The following UTS2 variants were observed in gnomAD, a reference collection of about 807,000 sequenced individuals.
UTS2 encodes urotensin 2.
Under a neutral mutation model 12.6 loss-of-function variants are expected in UTS2, and 10 were observed. The observed-to-expected ratio is 0.80, with a 90% CI of 0.49 to 1.35. The LOEUF is 1.35. Among genes scored for constraint, UTS2 ranks in the 40% most tolerant of loss-of-function variants. UTS2 has a pLI of 0.00. For synonymous variants in UTS2, 52 were observed against 50.0 expected, an observed-to-expected ratio of 1.04 and a Z score of -0.17; for missense variants, 142 against 143.2, an observed-to-expected ratio of 0.99 and a Z score of 0.04.
chr1:7,888,793 T>C, the UTS2 span, among the ~76,000 whole-genome samples: 1 of 152,002 alleles, frequency 6.6e-6, no homozygotes, highest in South Asian at 2.1e-4. Context: ...TGTGGGATGG[T>C]TGGAGGAACA....
At chr1:7,864,694 TCTC>T in the UTS2 span, among the ~76,000 whole-genome samples, 1 of 152,162 alleles carries the variant, frequency 6.6e-6, no homozygotes, top group Non-Finnish European at 1.5e-5. Context: ...CACCTTCCCG[TCTC>T]CTTTCCCCTA....
chr1:7,876,249 G>A, the UTS2 span, among the ~76,000 whole-genome samples: 1 of 152,130 alleles, frequency 6.6e-6, no homozygotes, highest in East Asian at 1.9e-4. Flanking sequence ...ACCAGCATGT[G>A]CTTACACCAC....
chr1:7,883,980 A>C, the UTS2 span, among the ~76,000 whole-genome samples: 1 of 151,956 alleles, frequency 6.6e-6, no homozygotes, highest in African/African-American at 2.4e-5. Flanking sequence ...ACGCCCAGCA[A>C]ATTTTGTATT....
the UTS2 span, among the ~76,000 whole-genome samples, chr1:7,876,758 G>GA: frequency 2.0e-5 from 3 of 151,838 alleles, no homozygotes; most frequent in Non-Finnish European, 4.4e-5. Flanking sequence ...CACATATACA[G>GA]AAAAAAAGTC....
chr1:7,901,320 A>G, the UTS2 span, among the ~76,000 whole-genome samples: 3 of 152,298 alleles, frequency 2.0e-5, no homozygotes, highest in East Asian at 3.9e-4. Context: ...GGATTCTAGA[A>G]ATACACACTG....
chr1:7,860,948 A>G, the UTS2 span, among the ~76,000 whole-genome samples: 8 of 150,012 alleles, frequency 5.3e-5, no homozygotes, highest in Non-Finnish European at 5.9e-5. Context: ...AGGCTGAGGT[A>G]TGAGAATTGC....
the UTS2 span, among the ~76,000 whole-genome samples, chr1:7,879,525 G>A: frequency 6.6e-6 from 1 of 152,174 alleles, no homozygotes; most frequent in African/African-American, 2.4e-5. Flanking sequence ...TGGATCACTT[G>A]AGGCCAGGAG....
chr1:7,848,240 G>T (rs909604833), intron 3 of UTS2, among the ~76,000 whole-genome samples: 2 of 152,090 alleles, frequency 1.3e-5, no homozygotes, highest in African/African-American at 4.8e-5. Context: ...TTGAGCCTAA[G>T]AGTTTGAGAC....
chr1:7,879,107 A>G, the UTS2 span, among the ~76,000 whole-genome samples: 1 of 152,234 alleles, frequency 6.6e-6, no homozygotes, highest in Non-Finnish European at 1.5e-5. Flanking sequence ...GATCATCTAG[A>G]CAGAAAATCA....
the UTS2 span, among the ~76,000 whole-genome samples, chr1:7,867,946 T>C: frequency 6.6e-6 from 1 of 152,192 alleles, no homozygotes; most frequent in South Asian, 2.1e-4. Flanking sequence ...CAGTCTGTGG[T>C]ATTTTGTTAC....
At chr1:7,872,299 C>CAAAAAAAAAAAAAAAAAAAA in the UTS2 span, among the ~76,000 whole-genome samples, 2 of 65,884 alleles carry the variant, frequency 3.0e-5, no homozygotes, top group African/African-American at 1.1e-4. Context: ...GACTCTGTCT[C>CAAAAAAAAAAAAAAAAAAAA]AAAAAAAAAA....
At chr1:7,854,934 G>T (rs1185036125), upstream of UTS2, among the ~76,000 whole-genome samples, 1 of 152,166 alleles carries the variant, frequency 6.6e-6, no homozygotes, top group Non-Finnish European at 1.5e-5. Context: ...GCCGAGGCAG[G>T]TGGATCACCT....
intron 1 of UTS2, among the ~76,000 whole-genome samples, chr1:7,851,797 T>C (rs903199494): frequency 6.6e-6 from 1 of 152,200 alleles, no homozygotes; most frequent in African/African-American, 2.4e-5. Context: ...GAGAAATAAA[T>C]GAGAACAAAT....
At chr1:7,907,020 G>A in the UTS2 span, among the ~76,000 whole-genome samples, 1 of 152,126 alleles carries the variant, frequency 6.6e-6, no homozygotes, top group African/African-American at 2.4e-5. Flanking sequence ...GGAGACCAAG[G>A]GGGGAGGATC....
At chr1:7,865,581 A>G in the UTS2 span, among the ~76,000 whole-genome samples, 1 of 152,186 alleles carries the variant, frequency 6.6e-6, no homozygotes, top group Admixed American at 6.5e-5. Context: ...GACACCAATC[A>G]TATTGGATTA....
upstream of UTS2, chr1:7,853,608 G>C (rs1312497108): frequency 4.1e-6 from 3 of 727,118 alleles, no homozygotes; most frequent in Non-Finnish European, 6.4e-6. Context: ...GTACATACAC[G>C]TGGCCTCATG....
At position 7,852,940 on chromosome 1, in the gene UTS2, GA is replaced by G; in HGVS notation, c.63del (p.Pro22LeufsTer21). The G allele has an allele frequency of 1.9e-6, 3 of 1,613,032 alleles. No homozygotes were observed. Among genetic ancestry groups the G allele is most frequent in the Non-Finnish European group, 2.5e-6 (3 of 1,179,612 alleles). On this transcript the variant is annotated frameshift_variant, in exon 1 of 4. Transcript: ENST00000361696. LOFTEE classifies it high-confidence loss of function. ...FIGFLNPLLS[L>X]PLLDSREISF... Reference sequence around the variant, plus strand: ...GATATTTCCCTGGAGTCAAGGAGAGGAAGAGATAAGAGAGGATTTAAGAATC... The same window carrying G: ...GATATTTCCCTGGAGTCAAGGAGAGGAGAGATAAGAGAGGATTTAAGAATC...
chr1:7,898,027 A>G, the UTS2 span, among the ~76,000 whole-genome samples: 35,477 of 152,060 alleles, frequency 0.23, 5,188 homozygotes, highest in East Asian at 0.66. Flanking sequence ...ATGACCAACC[A>G]TCTTGATAAA....
At chr1:7,893,967 G>T in the UTS2 span, among the ~76,000 whole-genome samples, 491 of 152,270 alleles carry the variant, frequency 3.2e-3, 4 homozygotes, top group African/African-American at 0.011. Context: ...GCTAGAGAGA[G>T]AATTCGGGTC....
Sources: gnomAD v4.1 joint callset for allele counts (sites outside exome capture counted in the v4.1 genomes callset) on GRCh38, gnomAD v4.1.1 for gene constraint, MANE v1.5 for transcripts, NCBI Gene and HGNC (gene_info 2026-07-23, HGNC 2026-07-21) for gene names.